Variants in BIRC6 observed in about 807,000 individuals in gnomAD.
BIRC6 encodes the protein dual E2 ubiquitin-conjugating enzyme/E3 ubiquitin-protein ligase BIRC6.
Under a neutral mutation model 503.3 loss-of-function variants are expected in BIRC6, and 98 were observed. The ratio of observed to expected loss-of-function variants is 0.19; its 90% CI spans 0.17 to 0.23. The LOEUF is 0.23. Among genes scored for constraint, BIRC6 ranks in the 10% least tolerant of loss-of-function variants. The pLI is 1.00. For missense variants in BIRC6, 5,360 were observed against 5,806.0 expected (o/e 0.92, Z 2.50); for synonymous variants, 2,240 against 2,078.7 (o/e 1.08, Z -2.11).
At position 32,429,252 on chromosome 2, in the gene BIRC6, A is replaced by C. The variant is rs1402647108; in HGVS notation, c.2979A>C (p.Glu993Asp). 2.6e-6 allele frequency: 4 copies of C among 1,550,378 alleles called. No homozygotes were observed. In the East Asian group the frequency reaches 9.6e-5, roughly 37 times the overall value. ...CTAAAGGAATAGAACCATCTTCAGA[A>C]GGTTCCAAACCTTTATCAAATCCTT... The part of the protein sequence containing the change: ...SLSKGIEPSS[E>D]GSKPLSNPSS... The change falls in exon 11 of 74, where the codon GAA (glutamate) becomes GAC (aspartate). Residue 993 changes from glutamate to aspartate, a missense_variant. Coordinates refer to ENST00000421745, the MANE Select transcript of BIRC6 (RefSeq NM_016252.4).
At chr2:32,431,515 C>T (rs904008168) in intron 12 of BIRC6, among the ~76,000 whole-genome samples, 5 of 151,958 alleles carry the variant, frequency 3.3e-5, no homozygotes, top group Admixed American at 2.6e-4. Context: ...TTTAAACTGT[C>T]TAAAAGATAT....
chr2:32,616,453 G>A (rs1311954970), intron 73 of BIRC6, among the ~76,000 whole-genome samples: 1 of 151,684 alleles, frequency 6.6e-6, no homozygotes, highest in African/African-American at 2.4e-5. Flanking sequence ...GCAGTTGCTC[G>A]GGAGGCTGAG....
intron 54 of BIRC6, 96 bp downstream of exon 54, chr2:32,513,250 A>C (rs752156914): frequency 2.0e-5 from 17 of 840,964 alleles, no homozygotes; most frequent in Non-Finnish European, 2.8e-5. Flanking sequence ...TATTAGGAGA[A>C]ACATAATATT....
intron 59 of BIRC6, chr2:32,528,581 C>T (rs1345396943): frequency 6.6e-6 from 1 of 152,148 alleles, no homozygotes; most frequent in African/African-American, 2.4e-5. Flanking sequence ...TACTATGCTG[C>T]TTAGTTGTCC....
At position 32,612,945 on chromosome 2, in the gene BIRC6, T is replaced by G. The variant is rs184971484; in HGVS notation, c.14394+1363T>G. Among the ~76,000 whole-genome samples, 838 of 152,290 alleles carry G rather than the reference T, an allele frequency of 5.5e-3. 5 individuals carry two copies. Among genetic ancestry groups the G allele is most frequent in the Non-Finnish European group, 8.3e-3 (564 of 68,038 alleles). On this transcript the variant is annotated intron_variant, in intron 73 of 73. Coordinates refer to ENST00000421745, the MANE Select transcript of BIRC6 (RefSeq NM_016252.4). ...AGCAGTTGACACTTCTTGCCTCCAT[T>G]TTTTAACCTTTGTCTCACTAATCAA...
In BIRC6 at chr2:32,509,900, G is replaced by A; in HGVS notation, c.10143G>A (p.Val3381=). Residue 3381 remains valine, a synonymous_variant, in exon 52 of 74, where the codon GTG becomes GTA. Coordinates refer to ENST00000421745, the MANE Select transcript of BIRC6 (RefSeq NM_016252.4). ...TGCATTCACCCAACATCGAGGTTGTGCTTGTAAAGATAGGACTGCAGTCTA... is the reference window on the plus strand; with the variant it reads ...TGCATTCACCCAACATCGAGGTTGTACTTGTAAAGATAGGACTGCAGTCTA... ...CGMHSPNIEV[V]LVKIGLQSTR... 6.2e-7 allele frequency: 1 copy of A among 1,613,974 alleles called. No individual in the cohort carries two copies. Among genetic ancestry groups the A allele is most frequent in the Middle Eastern group, 1.6e-4 (1 of 6,062 alleles).
intron 24 of BIRC6, among the ~76,000 whole-genome samples, 154 bp downstream of exon 24, chr2:32,463,535 A>G (rs1048880182): frequency 1.3e-5 from 2 of 152,228 alleles, no homozygotes; most frequent in Non-Finnish European, 2.9e-5. Context: ...TCTTTGTGAT[A>G]TTTAAATTGG....
At chr2:32,578,981 T>TATATATATATATATACACTTA (rs1559093882) in intron 66 of BIRC6, among the ~76,000 whole-genome samples, 1 of 132,138 alleles carries the variant, frequency 7.6e-6, no homozygotes, top group Non-Finnish European at 1.6e-5. Flanking sequence ...ATATACCTAA[T>TATATATATATATATACACTTA]ATATATATAC....
chr2:32,483,408 C>T (rs773921506), intron 39 of BIRC6, among the ~76,000 whole-genome samples: 6 of 152,104 alleles, frequency 3.9e-5, no homozygotes, highest in South Asian at 2.1e-4. Context: ...TTTGAGAGTA[C>T]GTTGGTAATT....
chr2:32,439,679 C>T lies in BIRC6; in HGVS notation c.3803C>T (p.Ala1268Val), dbSNP rs953488223. 3 of 1,613,292 alleles carry T rather than the reference C, an allele frequency of 1.9e-6. No individual in the cohort carries two copies. In the South Asian group the frequency reaches 3.3e-5, roughly 18 times the overall value. ...SLASLLAKVA[A>V]GKEKSSNVKN... ...GCTTCACTTTTGGCTAAAGTTGCAG[C>T]AGGCAAGGTATGAAACTGTCATTTT... The change falls in exon 16 of 74, where the codon GCA becomes GTA. Residue 1268 changes from alanine (A) to valine (V), a missense_variant. Coordinates refer to ENST00000421745, the MANE Select transcript of BIRC6 (RefSeq NM_016252.4).
chr2:32,408,508 GT>G (rs1293595179), intron 9 of BIRC6, among the ~76,000 whole-genome samples: 2 of 151,994 alleles, frequency 1.3e-5, no homozygotes, highest in Admixed American at 6.6e-5. Flanking sequence ...GCTATGTTAA[GT>G]TTTTTTTGAT....
chr2:32,436,738 A>C (rs2044751841), intron 15 of BIRC6, among the ~76,000 whole-genome samples: 1 of 151,720 alleles, frequency 6.6e-6, no homozygotes. Flanking sequence ...TAATTTTTGT[A>C]GTTTTAGTAG....
intron 65 of BIRC6, chr2:32,564,211 A>C (rs536997899): frequency 1.6e-4 from 24 of 152,176 alleles, no homozygotes; most frequent in African/African-American, 5.8e-4. Context: ...TATTTTATGT[A>C]AATTGGATCA....
intron 1 of BIRC6, among the ~76,000 whole-genome samples, chr2:32,370,427 G>T (rs533824910): frequency 3.8e-4 from 58 of 152,262 alleles, no homozygotes; most frequent in African/African-American, 1.3e-3. Context: ...TGCTTAAGTA[G>T]ATGTTGGTTC....
chr2:32,471,783 G>A (rs968994828), intron 32 of BIRC6, among the ~76,000 whole-genome samples: 13 of 152,016 alleles, frequency 8.6e-5, no homozygotes, highest in African/African-American at 3.1e-4. Context: ...AGATATGTAA[G>A]CCTACATATG....
At chr2:32,381,455 G>A (rs1352180703) in intron 3 of BIRC6, among the ~76,000 whole-genome samples, 1 of 151,534 alleles carries the variant, frequency 6.6e-6, no homozygotes, top group African/African-American at 2.4e-5. Context: ...GGTCAGGCAG[G>A]TGGCGAACTC....
At chr2:32,369,970 A>G (rs1227445902) in intron 1 of BIRC6, among the ~76,000 whole-genome samples, 5 of 64,934 alleles carry the variant, frequency 7.7e-5, no homozygotes, top group South Asian at 6.2e-4. Flanking sequence ...ATATATATAT[A>G]TATATATATA....
chr2:32,421,352 G>A (rs1266350655), intron 10 of BIRC6, among the ~76,000 whole-genome samples: 1 of 151,918 alleles, frequency 6.6e-6, no homozygotes, highest in East Asian at 1.9e-4. Flanking sequence ...TGATCTGCCC[G>A]CCTTGACCTC....
chr2:32,462,007 G>A (rs2048046564), intron 23 of BIRC6, among the ~76,000 whole-genome samples: 1 of 151,334 alleles, frequency 6.6e-6, no homozygotes, highest in African/African-American at 2.4e-5. Flanking sequence ...GAGTTTACAG[G>A]TTAATTTCTC....
Sources: allele counts gnomAD v4.1 joint callset (sites outside exome capture counted in the v4.1 genomes callset), GRCh38; gene constraint gnomAD v4.1.1; transcripts MANE v1.5; gene names NCBI Gene and HGNC (gene_info 2026-07-23, HGNC 2026-07-21).